The following MARK1 variants were observed in gnomAD, a reference collection of about 807,000 sequenced individuals.
MARK1 encodes the protein serine/threonine-protein kinase MARK1.
MARK1 carries 40 observed loss-of-function variants against 96.3 expected under a neutral mutation model. That is an observed-to-expected ratio of 0.42 (90% CI 0.32 to 0.54). The LOEUF is 0.54. Ranked by LOEUF, MARK1 falls within the 20% of genes least tolerant of loss-of-function variation. The probability of loss-of-function intolerance (pLI) is 0.16; values close to 1 mark genes in which losing one functional copy is unlikely to be tolerated. For synonymous variants in MARK1, 317 were observed against 341.2 expected (o/e 0.93, Z 0.78); for missense variants, 719 against 984.6 (o/e 0.73, Z 3.61).
chr1:220,531,682 C>A (rs971737851), intron 1 of MARK1, among the ~76,000 whole-genome samples: 12 of 152,070 alleles, frequency 7.9e-5, no homozygotes, highest in Non-Finnish European at 1.5e-4. Context: ...TAAGAACAGT[C>A]TATGTGTACT....
At chr1:220,598,657 A>G (rs997439734) in intron 4 of MARK1, among the ~76,000 whole-genome samples, 1 of 151,570 alleles carries the variant, frequency 6.6e-6, no homozygotes, top group African/African-American at 2.4e-5. Flanking sequence ...AATGCATACA[A>G]TTTTTTTTAA....
intron 1 of MARK1, among the ~76,000 whole-genome samples, chr1:220,568,796 C>G (rs1663237071): frequency 1.3e-5 from 2 of 152,132 alleles, no homozygotes; most frequent in African/African-American, 4.8e-5. Flanking sequence ...CATACATAAC[C>G]AGCTCTGCCT....
intron 16 of MARK1, 63 bp from the exon 17 acceptor site, chr1:220,657,727 A>G: frequency 2.5e-6 from 3 of 1,194,822 alleles, no homozygotes; most frequent in Non-Finnish European, 3.5e-6. Context: ...AATTTTAGAT[A>G]TAGGTTTTCT....
intron 6 of MARK1, among the ~76,000 whole-genome samples, chr1:220,607,799 G>A (rs887381201): frequency 2.0e-5 from 3 of 152,160 alleles, no homozygotes; most frequent in Non-Finnish European, 4.4e-5. Flanking sequence ...GGCCTTTTCT[G>A]CATCTATTGA....
chr1:220,644,962 C>T (rs1668500041), intron 13 of MARK1, among the ~76,000 whole-genome samples: 1 of 152,088 alleles, frequency 6.6e-6, no homozygotes, highest in African/African-American at 2.4e-5. Flanking sequence ...CTAAATACCA[C>T]ATCAAAAAGC....
intron 13 of MARK1, among the ~76,000 whole-genome samples, chr1:220,639,896 A>G (rs1668174402): frequency 6.6e-6 from 1 of 152,152 alleles, no homozygotes; most frequent in African/African-American, 2.4e-5. Context: ...ATTTTTGCCA[A>G]TCTGAAGGGC....
At chr1:220,638,607 A>G (rs1668099962) in intron 13 of MARK1, among the ~76,000 whole-genome samples, 1 of 152,230 alleles carries the variant, frequency 6.6e-6, no homozygotes. Context: ...TATTCAAAGC[A>G]TATTTATTAA....
Position 220,546,089 on chromosome 1 carries a change from T to G in MARK1, c.51+17216T>G, listed in dbSNP as rs143687015. Among the ~76,000 whole-genome samples, 282 of 152,262 alleles carry G rather than the reference T, an allele frequency of 1.9e-3. 1 individual carries two copies. Among genetic ancestry groups the G allele is most frequent in the Non-Finnish European group, 2.9e-3 (195 of 68,022 alleles). On this transcript the variant is annotated intron_variant, in intron 1 of 17. Coordinates refer to ENST00000366917, the MANE Select transcript of MARK1 (RefSeq NM_018650.5). ...AAGAACCACCTTACCCTTGATGTCT[T>G]CTTTAGTACTTTTCCATCTATTGAC...
intron 6 of MARK1, among the ~76,000 whole-genome samples, chr1:220,604,759 A>G (rs1202553975): frequency 6.6e-6 from 1 of 151,486 alleles, no homozygotes; most frequent in Non-Finnish European, 1.5e-5. Flanking sequence ...TTTAGAACTG[A>G]AGTGATTGAA....
intron 6 of MARK1, among the ~76,000 whole-genome samples, chr1:220,612,925 A>C (rs1441002152): frequency 6.6e-6 from 1 of 152,176 alleles, no homozygotes; most frequent in East Asian, 1.9e-4. Context: ...CCTACAGAAA[A>C]AAAAAAGTCG....
intron 1 of MARK1, among the ~76,000 whole-genome samples, chr1:220,568,401 T>A (rs1663209400): frequency 6.6e-6 from 1 of 152,084 alleles, no homozygotes; most frequent in African/African-American, 2.4e-5. Context: ...TGTATGAGTG[T>A]GCCAGACATT....
chr1:220,530,222 T>G (rs1476137786), intron 1 of MARK1, among the ~76,000 whole-genome samples: 1 of 15,266 alleles, frequency 6.6e-5, no homozygotes, highest in Non-Finnish European at 4.0e-3. Flanking sequence ...CCTAGCGCCG[T>G]GCATTTAAAT....
intron 1 of MARK1, among the ~76,000 whole-genome samples, chr1:220,535,701 A>G (rs886202216): frequency 3.9e-5 from 6 of 152,158 alleles, no homozygotes; most frequent in Non-Finnish European, 8.8e-5. Context: ...ATGATATAAA[A>G]TGAGGGTCCA....
In MARK1 at chr1:220,652,295, A is replaced by G. The variant is rs201349827; in HGVS notation, c.1736+145A>G. Reference sequence around the variant, plus strand: ...TATGGAGGAAAAATTGAATTGTAACATAAACTTTCTATGTACTTTGGCTGT... The same window carrying G: ...TATGGAGGAAAAATTGAATTGTAACGTAAACTTTCTATGTACTTTGGCTGT... On this transcript the variant is annotated intron_variant, in intron 15 of 17. Transcript: ENST00000366917. 137 of 559,810 alleles carry G rather than the reference A, an allele frequency of 2.4e-4. 1 individual carries two copies. The East Asian group carries it at 4.4e-3, about 18-fold the overall frequency. The allele number at this position is 559,810 out of a possible 1,614,324, so 34.7% of individuals were successfully genotyped here.
chr1:220,607,140 C>T (rs1485246274), intron 6 of MARK1, among the ~76,000 whole-genome samples: 1 of 152,140 alleles, frequency 6.6e-6, no homozygotes, highest in African/African-American at 2.4e-5. Flanking sequence ...AATATTGATT[C>T]TTCCTATCCG....
chr1:220,531,181 G>A (rs1206768774), intron 1 of MARK1, among the ~76,000 whole-genome samples: 2 of 152,144 alleles, frequency 1.3e-5, no homozygotes, highest in Non-Finnish European at 2.9e-5. Context: ...GTAGTAAATG[G>A]CATCATCCAT....
At position 220,599,700 on chromosome 1, in the gene MARK1, G is replaced by T. The variant is rs563178962; in HGVS notation, c.359-98G>T. On this transcript the variant is annotated intron_variant, in intron 4 of 17. Coordinates refer to ENST00000366917, the MANE Select transcript of MARK1 (RefSeq NM_018650.5). Reference sequence around the variant, plus strand: ...TGTGATTAATAATGTTTAGCAAGTAGTCAAATTTTCTACTAGTTTAGTGTT... The same window carrying T: ...TGTGATTAATAATGTTTAGCAAGTATTCAAATTTTCTACTAGTTTAGTGTT... 32 of 576,826 alleles carry T rather than the reference G, an allele frequency of 5.5e-5. No individual in the cohort carries two copies. The East Asian group carries it at 5.7e-4, about 10-fold the overall frequency. 35.7% of individuals were successfully genotyped at this position (576,826 alleles called of 1,614,324 possible).
At chr1:220,557,302 C>T (rs189718849) in intron 1 of MARK1, among the ~76,000 whole-genome samples, 9 of 152,216 alleles carry the variant, frequency 5.9e-5, no homozygotes, top group East Asian at 3.9e-4. Flanking sequence ...AAGCTGGGTG[C>T]GGTGGCTCAC....
At position 220,635,513 on chromosome 1, in the gene MARK1, G is replaced by A. The variant is rs1667909292; in HGVS notation, c.1260G>A (p.Arg420=). The stretch of plus-strand genomic sequence containing the variant: ...GTATCTCAGCAAATCAGAAGCAGCG[G>A]CGTTTCAGTGATCATGGTAGGGGAA... The part of the protein sequence containing the change: ...QRSISANQKQ[R]RFSDHAGPSI... The change falls in exon 12 of 18, where the codon CGG becomes CGA. Residue 420 remains arginine, a synonymous_variant. Coordinates refer to ENST00000366917, the MANE Select transcript of MARK1 (RefSeq NM_018650.5). 2 of 1,609,188 alleles carry A rather than the reference G, an allele frequency of 1.2e-6. No homozygotes were observed. Among genetic ancestry groups the A allele is most frequent in the East Asian group, 2.2e-5 (1 of 44,862 alleles).
Sources: allele counts gnomAD v4.1 joint callset (sites outside exome capture counted in the v4.1 genomes callset), GRCh38; gene constraint gnomAD v4.1.1; transcripts MANE v1.5; gene names NCBI Gene and HGNC (gene_info 2026-07-23, HGNC 2026-07-21).